Variants in DLGAP2 observed in about 807,000 individuals in gnomAD.
DLGAP2 encodes the protein DLG associated protein 2, also known as disks large-associated protein 2.
A neutral mutation model predicts 100.3 loss-of-function variants in DLGAP2; 26 were observed. The ratio of observed to expected loss-of-function variants is 0.26; its 90% CI spans 0.19 to 0.36. The LOEUF is 0.36. Ranked by LOEUF, DLGAP2 falls within the 10% of genes least tolerant of loss-of-function variation. The pLI, the probability that DLGAP2 is intolerant of heterozygous loss-of-function variation, is 1.00. For missense variants in DLGAP2, 1,858 were observed against 1,453.2 expected, an observed-to-expected ratio of 1.28 and a Z score of -4.53; for synonymous variants, 886 against 630.1, an observed-to-expected ratio of 1.41 and a Z score of -6.08.
At position 1,144,091 on chromosome 8, in the gene DLGAP2, A is replaced by G. The variant is rs1445680076; in HGVS notation, c.74-114760A>G. 2.6e-5 allele frequency among the ~76,000 whole-genome samples: 4 copies of G among 152,240 alleles called. No individual in the cohort carries two copies. In the East Asian group the frequency reaches 7.7e-4, roughly 29 times the overall value. On this transcript the variant is annotated intron_variant, in intron 2 of 14. Coordinates refer to ENST00000637795, the MANE Select transcript of DLGAP2 (RefSeq NM_001346810.2). ...CATTGCATACCTTTCCCCTGTGCTC[A>G]GAATGTGAGGAATGATATCGAGTAA... is the stretch of plus-strand genomic sequence containing the variant.
In DLGAP2 at chr8:864,153, A is replaced by G. The variant is rs1353415926; in HGVS notation, c.19-43759A>G. On this transcript the variant is annotated intron_variant, in intron 1 of 14. Coordinates refer to ENST00000637795, the MANE Select transcript of DLGAP2 (RefSeq NM_001346810.2). Reference sequence around the variant, plus strand: ...GCAGAATCTCAGCAGATCTCACAGGAGCAGAGCGTAGAGTGATGGTTACTG... The same window carrying G: ...GCAGAATCTCAGCAGATCTCACAGGGGCAGAGCGTAGAGTGATGGTTACTG... 1.3e-5 allele frequency among the ~76,000 whole-genome samples: 2 copies of G among 152,126 alleles called. 1 individual carries two copies. Among genetic ancestry groups the G allele is most frequent in the Admixed American group, 1.3e-4 (2 of 15,268 alleles).
At chr8:1,410,546 C>T (rs1278560082) in intron 3 of DLGAP2, among the ~76,000 whole-genome samples, 1 of 152,238 alleles carries the variant, frequency 6.6e-6, no homozygotes, top group Non-Finnish European at 1.5e-5. Flanking sequence ...CATTTCCGCA[C>T]AGGTCGAGTT....
At chr8:1,425,068 A>G (rs1424346118) in intron 3 of DLGAP2, among the ~76,000 whole-genome samples, 1 of 152,184 alleles carries the variant, frequency 6.6e-6, no homozygotes, top group Non-Finnish European at 1.5e-5. Flanking sequence ...AATTTTTTGC[A>G]CTTAGTTTTT....
At chr8:859,403 C>T (rs1235818496) in intron 1 of DLGAP2, among the ~76,000 whole-genome samples, 1 of 152,198 alleles carries the variant, frequency 6.6e-6, no homozygotes, top group Admixed American at 6.5e-5. Flanking sequence ...TGAGCCAGCA[C>T]ACCTGGCCCT....
chr8:1,089,301 A>G (rs1409787356), intron 2 of DLGAP2, among the ~76,000 whole-genome samples: 2 of 152,256 alleles, frequency 1.3e-5, no homozygotes, highest in African/African-American at 4.8e-5. Context: ...TGGTCTGTAT[A>G]TGTCGGCCTG....
At chr8:861,719 G>A (rs1055366824) in intron 1 of DLGAP2, among the ~76,000 whole-genome samples, 8 of 152,182 alleles carry the variant, frequency 5.3e-5, no homozygotes, top group African/African-American at 1.9e-4. Flanking sequence ...CAAACCTGGC[G>A]AGGCCTCCGT....
At chr8:1,201,154 C>T (rs1296209320) in intron 2 of DLGAP2, among the ~76,000 whole-genome samples, 4 of 152,188 alleles carry the variant, frequency 2.6e-5, no homozygotes. Context: ...CCACGGAGCC[C>T]TGTGGAGGCT....
intron 8 of DLGAP2, among the ~76,000 whole-genome samples, chr8:1,645,326 G>C (rs975963334): frequency 2.0e-5 from 3 of 152,204 alleles, no homozygotes; most frequent in African/African-American, 4.8e-5. Flanking sequence ...AATTCGAGGA[G>C]ATAGTCAACA....
At chr8:1,366,276 C>G (rs1802106492) in intron 3 of DLGAP2, among the ~76,000 whole-genome samples, 1 of 152,192 alleles carries the variant, frequency 6.6e-6, no homozygotes, top group South Asian at 2.1e-4. Context: ...CCCATTTGTA[C>G]TATAGCCAGT....
At chr8:1,460,619 G>T (rs909535796) in intron 3 of DLGAP2, among the ~76,000 whole-genome samples, 1 of 152,180 alleles carries the variant, frequency 6.6e-6, no homozygotes, top group Non-Finnish European at 1.5e-5. Context: ...TGTAAAATTT[G>T]ATTCTTTTTT....
intron 2 of DLGAP2, among the ~76,000 whole-genome samples, chr8:1,087,550 TCTC>T (rs1431720788): frequency 1.3e-4 from 14 of 104,434 alleles, no homozygotes; most frequent in South Asian, 5.5e-4. Flanking sequence ...TTTCTCTCTC[TCTC>T]TTTTTTTTTT....
At chr8:916,487 G>C (rs1362528899) in intron 2 of DLGAP2, among the ~76,000 whole-genome samples, 1 of 152,088 alleles carries the variant, frequency 6.6e-6, no homozygotes, top group Non-Finnish European at 1.5e-5. Flanking sequence ...GAGAACAGTT[G>C]GACACAGGAA....
chr8:1,465,683 G>A (rs772457717), intron 3 of DLGAP2, among the ~76,000 whole-genome samples: 8 of 152,238 alleles, frequency 5.3e-5, no homozygotes, highest in Non-Finnish European at 1.0e-4. Context: ...GGGCGTGACT[G>A]AGGCTCAGAC....
In DLGAP2 at chr8:1,633,028, A is replaced by G; in HGVS notation, c.1792A>G (p.Thr598Ala). ...GATGACACCCTCTGACATCACCTCC[A>G]CCATCAGGTCAACAGCAGGTAAGGG... ...PMMTPSDITS[T>A]IRSTAAVSYT... Residue 598 changes from threonine to alanine, a missense_variant, in exon 8 of 15, where the codon ACC becomes GCC. Thr to Ala is a moderately conservative substitution (Grantham distance 58). Transcript: ENST00000637795. The G allele has an allele frequency of 6.2e-7, 1 of 1,613,802 alleles. No individual in the cohort carries two copies. The highest frequency in any genetic ancestry group is 8.5e-7 in the Non-Finnish European group (1 of 1,179,860).
intron 1 of DLGAP2, among the ~76,000 whole-genome samples, chr8:777,203 G>A (rs1821545560): frequency 6.6e-6 from 1 of 151,656 alleles, no homozygotes; most frequent in Admixed American, 6.6e-5. Context: ...CATTTGCTTG[G>A]TAGATCTTCC....
At chr8:839,181 C>G (rs189081207) in intron 1 of DLGAP2, among the ~76,000 whole-genome samples, 379 of 152,130 alleles carry the variant, frequency 2.5e-3, no homozygotes, top group African/African-American at 8.2e-3. Flanking sequence ...ATGCAGGTTC[C>G]TAAAAAAAAT....
Position 1,702,163 on chromosome 8 carries a change from A to C in DLGAP2, c.*757A>C, listed in dbSNP as rs892130876. The C allele has an allele frequency of 1.3e-5, 2 of 152,216 alleles. No individual in the cohort carries two copies. Among genetic ancestry groups the C allele is most frequent in the South Asian group, 4.1e-4 (2 of 4,832 alleles). The allele number at this position is 152,216 out of a possible 1,614,324, so 9.4% of individuals were successfully genotyped here. A position where few individuals can be genotyped will look rare whatever the true frequency, so the allele number is the denominator to read the frequency against. Reference sequence around the variant, plus strand: ...AGTCACGCGCAGAGAGGAGAGTCTTACGGAGGGCTGGGAGCTTAAAAGGAA... The same window carrying C: ...AGTCACGCGCAGAGAGGAGAGTCTTCCGGAGGGCTGGGAGCTTAAAAGGAA... On this transcript the variant is annotated 3_prime_UTR_variant, in exon 15 of 15. Coordinates refer to ENST00000637795, the MANE Select transcript of DLGAP2 (RefSeq NM_001346810.2).
At chr8:1,414,043 C>A (rs1796808591) in intron 3 of DLGAP2, among the ~76,000 whole-genome samples, 1 of 152,134 alleles carries the variant, frequency 6.6e-6, no homozygotes, top group Non-Finnish European at 1.5e-5. Context: ...TAGTGACATG[C>A]CTAGGAATTC....
chr8:1,192,189 C>A (rs183771810), intron 2 of DLGAP2, among the ~76,000 whole-genome samples: 1 of 152,164 alleles, frequency 6.6e-6, no homozygotes, highest in Non-Finnish European at 1.5e-5. Context: ...TGTCCAGATG[C>A]TTCTGTTGCT....
Sources: gnomAD v4.1 joint callset for allele counts (sites outside exome capture counted in the v4.1 genomes callset) on GRCh38, gnomAD v4.1.1 for gene constraint, MANE v1.5 for transcripts, NCBI Gene and HGNC (gene_info 2026-07-23, HGNC 2026-07-21) for gene names.